HIVEP2: variants seen among roughly 807,000 people sequenced by gnomAD.
HIVEP2 encodes the protein transcription factor HIVEP2.
HIVEP2 carries 14 observed loss-of-function variants against 180.7 expected under a neutral mutation model. That is an observed-to-expected ratio of 0.08 (90% confidence interval 0.05 to 0.12). The LOEUF is 0.12. HIVEP2 is among the 10% of genes least tolerant of loss of function. The pLI is 1.00. For synonymous variants in HIVEP2, 1,184 were observed against 1,136.4 expected, an observed-to-expected ratio of 1.04 and a Z score of -0.84; for missense variants, 2,579 against 3,008.5, an observed-to-expected ratio of 0.86 and a Z score of 3.34.
chr6:142,855,008 A>G (rs1481680999), intron 1 of HIVEP2, among the ~76,000 whole-genome samples: 1 of 152,198 alleles, frequency 6.6e-6, no homozygotes, highest in Admixed American at 6.5e-5. Context: ...AAAAGCAGAA[A>G]AAGTTTGGCT....
At chr6:142,906,326 T>A (rs943865331) in intron 1 of HIVEP2, among the ~76,000 whole-genome samples, 1 of 151,852 alleles carries the variant, frequency 6.6e-6, no homozygotes, top group Non-Finnish European at 1.5e-5. Context: ...TAGAACCAAG[T>A]AGATATAAGG....
intron 6 of HIVEP2, among the ~76,000 whole-genome samples, chr6:142,766,353 C>T (rs1562501283): frequency 6.6e-6 from 1 of 152,096 alleles, no homozygotes; most frequent in Admixed American, 6.5e-5. Context: ...GGAATTTTGA[C>T]TTCCACTTGT....
At chr6:142,811,901 C>T (rs186247359) in intron 2 of HIVEP2, among the ~76,000 whole-genome samples, 3 of 152,254 alleles carry the variant, frequency 2.0e-5, no homozygotes, top group East Asian at 3.9e-4. Context: ...CTGAAAACAG[C>T]GATAGAAGTA....
intron 2 of HIVEP2, among the ~76,000 whole-genome samples, chr6:142,809,918 A>G (rs1234057623): frequency 6.6e-6 from 1 of 152,108 alleles, no homozygotes; most frequent in East Asian, 1.9e-4. Flanking sequence ...TTAAACATCT[A>G]CCAGGTACAA....
At chr6:142,787,302 T>G (rs1361557390) in intron 2 of HIVEP2, among the ~76,000 whole-genome samples, 1 of 151,864 alleles carries the variant, frequency 6.6e-6, no homozygotes, top group South Asian at 2.1e-4. Flanking sequence ...TCTTATAAAC[T>G]CAATGGAAAA....
Position 142,769,938 on chromosome 6 carries a change from G to T in HIVEP2, c.4801C>A (p.His1601Asn). 1.2e-6 allele frequency: 2 copies of T among 1,614,030 alleles called. No homozygotes were observed. ...DGQLEEEGKG[H>N]KRPVGMLVRM... ...ACCAGCATGCCAACAGGCCGCTTGT[G>T]GCCCTTCCCTTCCTCTTCCAGCTGA... Residue 1601 changes from histidine to asparagine, a missense_variant, in exon 5 of 10, where the codon CAC becomes AAC. Coordinates refer to ENST00000367603, the MANE Select transcript of HIVEP2 (RefSeq NM_006734.4).
Position 142,770,717 on chromosome 6 carries a change from T to G in HIVEP2, c.4022A>C (p.His1341Pro), listed in dbSNP as rs998840629. 3 of 1,614,074 alleles carry G rather than the reference T, an allele frequency of 1.9e-6. No individual in the cohort carries two copies. The African/African-American group carries it at 4.0e-5, about 22-fold the overall frequency. ...GTVVPVRIQTHVPSYGSVMYT... is the reference protein window; with the variant it reads ...GTVVPVRIQTPVPSYGSVMYT... ...CATGACACTTCCATAGGATGGTACGTGCGTCTGGATCCGAACAGGAACCAC... is the reference window on the plus strand; with the variant it reads ...CATGACACTTCCATAGGATGGTACGGGCGTCTGGATCCGAACAGGAACCAC... Residue 1341 changes from histidine to proline, a missense_variant, in exon 5 of 10, where the codon CAC (histidine) becomes CCC (proline). His to Pro is a moderately conservative substitution (Grantham distance 77). Around this residue, in one of 11 missense-constraint regions of HIVEP2, gnomAD observed 523 missense variants for 577.0 expected, o/e 0.91. Coordinates refer to ENST00000367603, the MANE Select transcript of HIVEP2 (RefSeq NM_006734.4). The surrounding 1 kb of genome is among the most constrained non-coding windows in gnomAD (Gnocchi z 4.7).
chr6:142,862,453 G>T (rs1436808368), intron 1 of HIVEP2, among the ~76,000 whole-genome samples: 1 of 111,768 alleles, frequency 8.9e-6, no homozygotes. Context: ...ACATATAATC[G>T]ATTATATGTA....
Position 142,772,858 on chromosome 6 carries a change from T to C in HIVEP2, c.1881A>G (p.Lys627=), listed in dbSNP as rs200268539. The C allele has an allele frequency of 1.3e-4, 209 of 1,614,170 alleles. No individual in the cohort carries two copies. In the South Asian group the frequency reaches 1.8e-3, roughly 14 times the overall value. Residue 627 remains lysine (K), a synonymous_variant, in exon 5 of 10, where the codon AAA becomes AAG. Transcript: ENST00000367603. This position sits in a 1 kb window ranked among gnomAD's most constrained non-coding sequence, Gnocchi z 4.9. ...GISSSSLKEK[K]LSPGDRVGYD... is the part of the protein sequence containing the mutation. ...ACCCAACCCTGTCCCCAGGAGACAA[T>C]TTCTTTTCCTTCAGGGATGAACTGC...
chr6:142,857,560 G>A (rs933911054), intron 1 of HIVEP2, among the ~76,000 whole-genome samples: 3 of 152,170 alleles, frequency 2.0e-5, no homozygotes, highest in Non-Finnish European at 2.9e-5. Context: ...GTGCAGCTGC[G>A]CTGACCACAC....
intron 1 of HIVEP2, among the ~76,000 whole-genome samples, chr6:142,856,252 G>GCACCACTTTAATATC (rs58654379): frequency 0.41 from 62,260 of 151,074 alleles, 13,410 homozygotes; most frequent in African/African-American, 0.54. Context: ...TCCACCTACT[G>GCACCACTTTAATATC]CACCACTTTA....
chr6:142,798,531 G>C (rs926796965), intron 2 of HIVEP2, among the ~76,000 whole-genome samples: 1 of 152,102 alleles, frequency 6.6e-6, no homozygotes, highest in African/African-American at 2.4e-5. Context: ...AGATCCACCT[G>C]CATGCCCATG....
At chr6:142,813,736 T>G (rs1255259852) in intron 2 of HIVEP2, among the ~76,000 whole-genome samples, 3 of 151,804 alleles carry the variant, frequency 2.0e-5, no homozygotes, top group African/African-American at 7.3e-5. Context: ...CCCCAGAATT[T>G]TTTATTTTTT....
At chr6:142,899,845 T>G (rs148179107) in intron 1 of HIVEP2, among the ~76,000 whole-genome samples, 293 of 152,246 alleles carry the variant, frequency 1.9e-3, no homozygotes, top group African/African-American at 6.9e-3. Flanking sequence ...AGGAAAAGGG[T>G]GAAGATCTGT....
At chr6:142,900,169 AT>A (rs1260747051) in intron 1 of HIVEP2, among the ~76,000 whole-genome samples, 2 of 152,202 alleles carry the variant, frequency 1.3e-5, no homozygotes, top group Non-Finnish European at 2.9e-5. Flanking sequence ...CGTTTTTCAG[AT>A]TGTGCTCTCA....
At chr6:142,895,151 C>G (rs183141792) in intron 1 of HIVEP2, among the ~76,000 whole-genome samples, 1 of 152,252 alleles carries the variant, frequency 6.6e-6, no homozygotes, top group Non-Finnish European at 1.5e-5. Context: ...AAATTTATAG[C>G]CAGTTACCTC....
At chr6:142,783,326 C>CAAAAAAAAAAAAAA (rs567202980) in intron 3 of HIVEP2, among the ~76,000 whole-genome samples, 195 bp downstream of exon 3, 1 of 71,048 alleles carries the variant, frequency 1.4e-5, no homozygotes, top group African/African-American at 5.7e-5. Context: ...GACTCCGTCA[C>CAAAAAAAAAAAAAA]AAAAAAAAAA....
rs181250579 is a variant in HIVEP2 at position 142,869,661 on chromosome 6, G to T, written c.-640-32614C>A. On this transcript the variant is annotated intron_variant, in intron 1 of 9. Coordinates refer to ENST00000367603, the MANE Select transcript of HIVEP2 (RefSeq NM_006734.4). Reference sequence around the variant, plus strand: ...GCTATTTATAATCTCAGAACCCAAAGAAATAAATGTAAAAGTGTATCGCCA... The same window carrying T: ...GCTATTTATAATCTCAGAACCCAAATAAATAAATGTAAAAGTGTATCGCCA... 2.4e-4 allele frequency among the ~76,000 whole-genome samples: 36 copies of T among 152,056 alleles called. 1 individual carries two copies. Among genetic ancestry groups the T allele is most frequent in the Admixed American group, 4.6e-4 (7 of 15,268 alleles).
chr6:142,783,114 G>A (rs197503), intron 3 of HIVEP2, among the ~76,000 whole-genome samples: 76,102 of 148,778 alleles, frequency 0.51, 19,543 homozygotes, highest in Non-Finnish European at 0.58. Context: ...GGGAGGCCGA[G>A]GTCAAGAGAT....
Sources: allele counts gnomAD v4.1 joint callset (sites outside exome capture counted in the v4.1 genomes callset), GRCh38; gene constraint gnomAD v4.1.1; regional missense constraint gnomAD v4.1.1; non-coding constraint Gnocchi (gnomAD v3.1); transcripts MANE v1.5; gene names NCBI Gene and HGNC (gene_info 2026-07-23, HGNC 2026-07-21).